Variants in FGF14 observed in about 807,000 individuals in gnomAD.
FGF14 encodes the protein fibroblast growth factor 14, also known as fibroblast growth factor homologous factor 4.
A neutral mutation model predicts 25.5 loss-of-function variants in FGF14; 5 were observed. That is an observed-to-expected ratio of 0.20 (90% CI 0.10 to 0.41). The LOEUF (loss-of-function observed/expected upper bound fraction) is 0.41, where lower values mean the gene tolerates loss of function less well. Among genes scored for constraint, FGF14 ranks in the 10% least tolerant of loss-of-function variants. The pLI is 1.00. For missense variants in FGF14, 222 were observed against 320.1 expected (o/e 0.69, Z 2.34); for synonymous variants, 138 against 118.3 (o/e 1.17, Z -1.08).
At chr13:102,041,017 G>T (rs1010601176) in intron 1 of FGF14, among the ~76,000 whole-genome samples, 2 of 151,854 alleles carry the variant, frequency 1.3e-5, no homozygotes, top group African/African-American at 4.8e-5. Flanking sequence ...ATACCCAGCA[G>T]GTGCTCAACA....
rs144754576 is a variant in FGF14, at chr13:102,388,322, C to A, written c.208+13149G>T. Among the ~76,000 whole-genome samples, 216 of 152,288 alleles carry A rather than the reference C, an allele frequency of 1.4e-3. 1 individual carries two copies. The highest frequency in any genetic ancestry group is 6.8e-3 in the Middle Eastern group (2 of 294). ...AAGAAAATTAAAACTACAAAGTAGG[C>A]TCAAATTGTATAGAAAGATGTATAA... is the stretch of plus-strand genomic sequence containing the variant. On this transcript the variant is annotated intron_variant, in intron 1 of 4. Coordinates refer to the FGF14 transcript ENST00000376131.
At chr13:102,000,763 C>A (rs1410935233) in intron 1 of FGF14, among the ~76,000 whole-genome samples, 1 of 152,190 alleles carries the variant, frequency 6.6e-6, no homozygotes, top group Non-Finnish European at 1.5e-5. Context: ...CTCAGCTCAC[C>A]TGCTCACTAC....
At chr13:101,891,195 C>A (rs1027101433) in intron 1 of FGF14, among the ~76,000 whole-genome samples, 1 of 152,136 alleles carries the variant, frequency 6.6e-6, no homozygotes, top group Non-Finnish European at 1.5e-5. Flanking sequence ...ACCCACTACC[C>A]TTTGCTTTGT....
intron 1 of FGF14, among the ~76,000 whole-genome samples, chr13:101,894,905 A>T (rs761321944): frequency 4.6e-5 from 7 of 152,186 alleles, no homozygotes; most frequent in Non-Finnish European, 7.3e-5. Context: ...GGAAAAAGAA[A>T]AAAAATATTA....
chr13:101,998,201 C>T (rs1018586261), intron 1 of FGF14, among the ~76,000 whole-genome samples: 3 of 152,032 alleles, frequency 2.0e-5, no homozygotes, highest in Non-Finnish European at 2.9e-5. Flanking sequence ...TGAAAGATAT[C>T]CTTAGAAGGA....
intron 1 of FGF14, among the ~76,000 whole-genome samples, chr13:102,280,493 G>C (rs529809994): frequency 1.8e-4 from 27 of 152,196 alleles, no homozygotes; most frequent in Non-Finnish European, 1.5e-4. Context: ...CCATCAGTGA[G>C]AGTGGAGGGG....
At chr13:102,041,546 A>AT (rs2041739225) in intron 1 of FGF14, among the ~76,000 whole-genome samples, 1 of 150,522 alleles carries the variant, frequency 6.6e-6, no homozygotes, top group Admixed American at 6.6e-5. Flanking sequence ...AAAACAGTGT[A>AT]TGTTAAGCCA....
At chr13:101,981,213 G>C (rs1210827705) in intron 1 of FGF14, among the ~76,000 whole-genome samples, 1 of 151,986 alleles carries the variant, frequency 6.6e-6, no homozygotes, top group African/African-American at 2.4e-5. Flanking sequence ...CCGGGAGGCA[G>C]AGGTTCCATT....
At chr13:101,996,176 TATATTAAAACAA>T (rs2039173216) in intron 1 of FGF14, among the ~76,000 whole-genome samples, 1 of 152,146 alleles carries the variant, frequency 6.6e-6, no homozygotes, top group African/African-American at 2.4e-5. Flanking sequence ...AATAAAATCT[TATATTAAAACAA>T]GAAAGGGAAA....
At chr13:101,727,201 C>T (rs758981827) in intron 3 of FGF14, among the ~76,000 whole-genome samples, 27 of 152,004 alleles carry the variant, frequency 1.8e-4, no homozygotes, top group Admixed American at 8.5e-4. Flanking sequence ...TACATGTTTC[C>T]ATAGGAACAG....
chr13:101,994,168 AATAAAG>A (rs916390007), intron 1 of FGF14, among the ~76,000 whole-genome samples: 16 of 151,992 alleles, frequency 1.1e-4, no homozygotes, highest in Admixed American at 7.2e-4. Flanking sequence ...TTTATGTGCA[AATAAAG>A]ATAAAGAGAA....
At chr13:101,733,447 T>C (rs2035945543) in intron 3 of FGF14, among the ~76,000 whole-genome samples, 1 of 151,908 alleles carries the variant, frequency 6.6e-6, no homozygotes, top group Non-Finnish European at 1.5e-5. Context: ...ATACCAAAAT[T>C]AGCTGGGCGT....
chr13:102,152,345 CA>C (rs1321841484), intron 1 of FGF14, among the ~76,000 whole-genome samples: 3 of 152,176 alleles, frequency 2.0e-5, no homozygotes, highest in Admixed American at 2.0e-4. Flanking sequence ...TACTTTCTCA[CA>C]AATGAGAAGT....
At chr13:102,318,844 A>G (rs1308863655) in intron 1 of FGF14, among the ~76,000 whole-genome samples, 3 of 152,196 alleles carry the variant, frequency 2.0e-5, no homozygotes, top group Non-Finnish European at 4.4e-5. Context: ...GGCTACCTGT[A>G]GATCATCTGA....
chr13:101,840,456 C>T (rs2043142339), intron 3 of FGF14, among the ~76,000 whole-genome samples: 1 of 151,544 alleles, frequency 6.6e-6, no homozygotes, highest in South Asian at 2.1e-4. Context: ...TATACAATAA[C>T]TCTTATTCAC....
rs537390323 is a variant in FGF14, at chr13:101,908,579, T to G, written c.193+7874A>C. 9.9e-5 allele frequency among the ~76,000 whole-genome samples: 15 copies of G among 152,060 alleles called. No individual in the cohort carries two copies. In the East Asian group the frequency reaches 1.9e-3, roughly 20 times the overall value. ...AAGAGAACTACAAACCACTGCTCAATGAAATAAAAGAGGATACAAACAAAT... is the reference window on the plus strand; with the variant it reads ...AAGAGAACTACAAACCACTGCTCAAGGAAATAAAAGAGGATACAAACAAAT... On this transcript the variant is annotated intron_variant, in intron 1 of 4. Transcript: ENST00000376143.
intron 1 of FGF14, among the ~76,000 whole-genome samples, chr13:102,149,790 A>G (rs1004650117): frequency 5.3e-5 from 8 of 152,164 alleles, no homozygotes; most frequent in Non-Finnish European, 5.9e-5. Context: ...TTGTAAGGGG[A>G]GTTAACGAAT....
chr13:102,118,793 C>G (rs547415276), intron 1 of FGF14, among the ~76,000 whole-genome samples: 4 of 151,700 alleles, frequency 2.6e-5, no homozygotes, highest in African/African-American at 9.7e-5. Context: ...TATTTGTTTA[C>G]AAAGCATAAA....
At position 101,916,559 on chromosome 13, in the gene FGF14, C is replaced by T. The variant is rs1247163637; in HGVS notation, c.87G>A (p.Arg29=). The T allele has an allele frequency of 3.7e-6, 6 of 1,612,812 alleles. No individual in the cohort carries two copies. In the South Asian group the frequency reaches 6.6e-5, roughly 18 times the overall value. ...QHWDRPSASR[R]RSSPSKNRGL... is the part of the protein sequence containing the mutation. ...CGCGGTTCTTGCTGGGGCTGCTCCGCCTCCTGCTGGCAGACGGCCGGTCCC... is the reference window on the plus strand; with the variant it reads ...CGCGGTTCTTGCTGGGGCTGCTCCGTCTCCTGCTGGCAGACGGCCGGTCCC... Residue 29 remains arginine, a synonymous_variant, in exon 1 of 5, where the codon AGG becomes AGA. Transcript: ENST00000376143.
Sources: allele counts gnomAD v4.1 joint callset (sites outside exome capture counted in the v4.1 genomes callset), GRCh38; gene constraint gnomAD v4.1.1; transcripts MANE v1.5; gene names NCBI Gene and HGNC (gene_info 2026-07-23, HGNC 2026-07-21).